Variants in ACBD3 observed in about 807,000 individuals in gnomAD.
The protein encoded by ACBD3 is Golgi resident protein GCP60.
Under a neutral mutation model 66.9 loss-of-function variants are expected in ACBD3, and 30 were observed. The ratio of observed to expected loss-of-function variants is 0.45; its 90% confidence interval spans 0.34 to 0.61. The LOEUF (loss-of-function observed/expected upper bound fraction) is 0.61. ACBD3 is among the 20% of genes least tolerant of loss of function. The probability of loss-of-function intolerance (pLI) is 0.02; values close to 1 mark genes in which losing one functional copy is unlikely to be tolerated. For synonymous variants in ACBD3, 278 were observed against 259.8 expected, an observed-to-expected ratio of 1.07 and a Z score of -0.68; for missense variants, 544 against 664.5, an observed-to-expected ratio of 0.82 and a Z score of 1.99.
chr1:226,147,713 T>A (rs1659484807), intron 7 of ACBD3, among the ~76,000 whole-genome samples: 1 of 152,160 alleles, frequency 6.6e-6, no homozygotes, highest in Admixed American at 6.5e-5. Context: ...AGAGATGATC[T>A]AAGTGGCAAA....
Position 226,176,812 on chromosome 1 carries a change from T to G in ACBD3, c.286+9578A>C, listed in dbSNP as rs559934493. 5.9e-5 allele frequency among the ~76,000 whole-genome samples: 9 copies of G among 152,318 alleles called. No individual in the cohort carries two copies. In the South Asian group the frequency reaches 1.9e-3, roughly 32 times the overall value. On this transcript the variant is annotated intron_variant, in intron 1 of 7. Coordinates refer to ENST00000366812, the MANE Select transcript of ACBD3 (RefSeq NM_022735.4). ...CAATGTCAAATAATCAGCAAAATTA[T>G]AAGGCTAATTATAAAGTTTATCTGA...
intron 5 of ACBD3, among the ~76,000 whole-genome samples, chr1:226,158,844 T>G (rs924848844): frequency 1.3e-5 from 2 of 152,224 alleles, no homozygotes; most frequent in Non-Finnish European, 2.9e-5. Flanking sequence ...GACAATGCAC[T>G]GCCTGAAGGA....
intron 7 of ACBD3, among the ~76,000 whole-genome samples, chr1:226,149,266 G>A (rs1208172612): frequency 1.3e-5 from 2 of 148,806 alleles, no homozygotes; most frequent in South Asian, 2.1e-4. Context: ...TGGCTCTGTC[G>A]CCCAGGCTGG....
chr1:226,176,384 C>T (rs541190049), intron 1 of ACBD3, among the ~76,000 whole-genome samples: 24 of 145,540 alleles, frequency 1.6e-4, no homozygotes, highest in African/African-American at 3.8e-4. Context: ...GACTCAAGAT[C>T]GCACCACTGC....
At chr1:226,183,796 A>G (rs1193961455) in intron 1 of ACBD3, among the ~76,000 whole-genome samples, 2 of 150,992 alleles carry the variant, frequency 1.3e-5, no homozygotes, top group East Asian at 3.9e-4. Flanking sequence ...AGGCAGGAGA[A>G]TCACTTGAAC....
intron 1 of ACBD3, among the ~76,000 whole-genome samples, chr1:226,178,055 T>A (rs1656086242): frequency 6.6e-6 from 1 of 151,012 alleles, no homozygotes; most frequent in African/African-American, 2.4e-5. Flanking sequence ...CCCAAGCCAA[T>A]AAATTTGTGG....
Position 226,154,766 on chromosome 1 carries a change from T to A in ACBD3, c.971A>T (p.Asn324Ile), listed in dbSNP as rs1659641226. The change falls in exon 6 of 8, where the codon AAT becomes ATT. Residue 324 changes from asparagine (N) to isoleucine (I), a missense_variant. Physicochemically the swap from Asn to Ile is moderately radical, Grantham distance 149. This residue lies in a region of ACBD3 where 383 missense variants were observed against 462.4 expected (regional missense o/e 0.83). Coordinates refer to ENST00000366812, the MANE Select transcript of ACBD3 (RefSeq NM_022735.4). ...CATCATATTACTTGGTACAGTTGCA[T>A]TCACTTTTGATGATGTAGGCAAGGA... ...GSSLPTSSKV[N>I]ATVPSNMMSV... 6.2e-7 allele frequency: 1 copy of A among 1,613,470 alleles called. No individual in the cohort carries two copies. The highest frequency in any genetic ancestry group is 1.3e-5 in the African/African-American group (1 of 74,890).
Position 226,146,838 on chromosome 1 carries a change from A to ACTT in ACBD3, c.1376-18_1376-17insAAG, listed in dbSNP as rs1258080392. ...CGATGTTTTCTGTAAGAACAGAGACAAGTCAATGAACAGATTCAGGAAAAC... is the reference window on the plus strand; with the variant it reads ...CGATGTTTTCTGTAAGAACAGAGACACTTAGTCAATGAACAGATTCAGGAAAAC... On this transcript the variant is annotated splice_polypyrimidine_tract_variant and intron_variant, in intron 7 of 7. Coordinates refer to ENST00000366812, the MANE Select transcript of ACBD3 (RefSeq NM_022735.4). The ACTT allele has an allele frequency of 1.9e-6, 3 of 1,609,744 alleles. No homozygotes were observed. In the African/African-American group the frequency reaches 4.0e-5, roughly 22 times the overall value.
chr1:226,173,463 G>A (rs1655913215), intron 1 of ACBD3, among the ~76,000 whole-genome samples: 1 of 151,730 alleles, frequency 6.6e-6, no homozygotes, highest in African/African-American at 2.4e-5. Context: ...TGTATTTTCA[G>A]CCTTTGGGAT....
intron 1 of ACBD3, among the ~76,000 whole-genome samples, chr1:226,169,464 T>C (rs928109846): frequency 6.6e-6 from 1 of 151,624 alleles, no homozygotes; most frequent in African/African-American, 2.4e-5. Flanking sequence ...TTAGCCAGGA[T>C]GGTCTCGATC....
chr1:226,151,031 G>A (rs993646152), intron 7 of ACBD3, among the ~76,000 whole-genome samples: 3 of 152,158 alleles, frequency 2.0e-5, no homozygotes, highest in South Asian at 2.1e-4. Context: ...GAAATGTATG[G>A]CACACCTGCA....
rs955078520 is a variant in ACBD3, at chr1:226,186,510, C to G, written c.166G>C (p.Glu56Gln). 1.4e-6 allele frequency: 2 copies of G among 1,420,918 alleles called. No individual in the cohort carries two copies. The highest frequency in any genetic ancestry group is 1.8e-6 in the Non-Finnish European group (2 of 1,092,922). 88.0% of individuals were successfully genotyped at this position (1,420,918 alleles called of 1,614,324 possible). A position where few individuals can be genotyped will look rare whatever the true frequency, so the allele number is the denominator to read the frequency against. ...GSGRGPGASG[E>Q]QPEPGEAAAG... Reference sequence around the variant, plus strand: ...GCCGCCTCCCCGGGCTCGGGCTGCTCCCCTGAGGCGCCCGGGCCGCGACCG... The same window carrying G: ...GCCGCCTCCCCGGGCTCGGGCTGCTGCCCTGAGGCGCCCGGGCCGCGACCG... Residue 56 changes from glutamate to glutamine, a missense_variant, in exon 1 of 8, where the codon GAG (glutamate) becomes CAG (glutamine). Physicochemically the swap from Glu to Gln is conservative, Grantham distance 29. Coordinates refer to ENST00000366812, the MANE Select transcript of ACBD3 (RefSeq NM_022735.4).
intron 3 of ACBD3, among the ~76,000 whole-genome samples, chr1:226,163,646 T>C (rs1576234821): frequency 1.3e-5 from 2 of 152,218 alleles, no homozygotes; most frequent in East Asian, 3.8e-4. Context: ...TTGTACATCA[T>C]ACTATTGTAA....
intron 1 of ACBD3, 36 bp from the exon 2 acceptor site, chr1:226,166,036 A>C: frequency 1.3e-6 from 2 of 1,587,164 alleles, no homozygotes; most frequent in African/African-American, 1.4e-5. Context: ...AACAATTAGC[A>C]CAGGCAAAAT....
Position 226,145,618 on chromosome 1 carries a change from A to T in ACBD3, c.*992T>A, listed in dbSNP as rs1659432505. 6.6e-6 allele frequency: 1 copy of T among 152,656 alleles called. No homozygotes were observed. The highest frequency in any genetic ancestry group is 2.4e-5 in the African/African-American group (1 of 41,466). The allele number at this position is 152,656 out of a possible 1,614,324, so 9.5% of individuals were successfully genotyped here. ...TCCTTAATAAGTAATTCCAAACTGGAATAATGTGGGGTTTGTGACTAAGTA... is the reference window on the plus strand; with the variant it reads ...TCCTTAATAAGTAATTCCAAACTGGTATAATGTGGGGTTTGTGACTAAGTA... On this transcript the variant is annotated 3_prime_UTR_variant, in exon 8 of 8. Coordinates refer to ENST00000366812, the MANE Select transcript of ACBD3 (RefSeq NM_022735.4).
chr1:226,152,871 A>G (rs1034682199), intron 6 of ACBD3, among the ~76,000 whole-genome samples: 3 of 152,228 alleles, frequency 2.0e-5, no homozygotes, highest in Admixed American at 6.5e-5. Flanking sequence ...CAATTTTAGA[A>G]ACGAATTTTT....
chr1:226,183,944 C>A (rs1656234116), intron 1 of ACBD3, among the ~76,000 whole-genome samples: 1 of 149,682 alleles, frequency 6.7e-6, no homozygotes, highest in Non-Finnish European at 1.5e-5. Context: ...GTAATCCCAG[C>A]ACTTTGGGAG....
intron 1 of ACBD3, among the ~76,000 whole-genome samples, chr1:226,175,674 G>A (rs1656015916): frequency 6.6e-6 from 1 of 151,030 alleles, no homozygotes; most frequent in Non-Finnish European, 1.5e-5. Context: ...AGCAGCAGTA[G>A]GAAAATGGAA....
chr1:226,165,029 G>A (rs1305482708), intron 2 of ACBD3, 100 bp from the exon 3 acceptor site: 2 of 1,283,432 alleles, frequency 1.6e-6, no homozygotes, highest in Non-Finnish European at 2.1e-6. Flanking sequence ...TAAGTAAAAT[G>A]AATGATTCTA....
Sources: gnomAD v4.1 joint callset for allele counts (sites outside exome capture counted in the v4.1 genomes callset) on GRCh38, gnomAD v4.1.1 for gene constraint, gnomAD v4.1.1 regional missense constraint, MANE v1.5 for transcripts, NCBI Gene and HGNC (gene_info 2026-07-23, HGNC 2026-07-21) for gene names.